Variants in AKAP6 observed in about 807,000 individuals in gnomAD.
The protein encoded by AKAP6 is A-kinase anchor protein 6.
In AKAP6, 58 loss-of-function variants were observed where a neutral mutation model predicts 188.5. The observed-to-expected ratio is 0.31, with a 90% CI of 0.25 to 0.38. The LOEUF (loss-of-function observed/expected upper bound fraction) is 0.38. Ranked by LOEUF, AKAP6 falls within the 10% of genes least tolerant of loss-of-function variation. The probability of loss-of-function intolerance (pLI) is 1.00; values close to 1 mark genes in which losing one functional copy is unlikely to be tolerated. For missense variants in AKAP6, 2,710 were observed against 2,740.0 expected, an observed-to-expected ratio of 0.99 and a Z score of 0.24; for synonymous variants, 989 against 998.6, an observed-to-expected ratio of 0.99 and a Z score of 0.18.
Position 32,736,861 on chromosome 14 carries a change from C to T in AKAP6, c.3372+979C>T, listed in dbSNP as rs564829273. On this transcript the variant is annotated intron_variant, in intron 11 of 13. Coordinates refer to ENST00000280979, the MANE Select transcript of AKAP6 (RefSeq NM_004274.5). The stretch of plus-strand genomic sequence containing the variant: ...AGAGTCATCTTGCTCACCTCTATAA[C>T]CCTAGTGGAGGCACCCTCAAAGACA... Among the ~76,000 whole-genome samples the T allele has an allele frequency of 1.5e-3, 235 of 152,244 alleles. 2 individuals are homozygous for T. Among genetic ancestry groups the T allele is most frequent in the Middle Eastern group, 0.01 (3 of 294 alleles).
At chr14:32,787,149 A>G (rs924119161) in intron 12 of AKAP6, among the ~76,000 whole-genome samples, 2 of 152,246 alleles carry the variant, frequency 1.3e-5, no homozygotes, top group African/African-American at 2.4e-5. Flanking sequence ...TTTTAATTAG[A>G]GTTCTAAGAA....
chr14:32,606,891 T>C lies in AKAP6; in HGVS notation c.2730+6099T>C, dbSNP rs556298477. Among the ~76,000 whole-genome samples the C allele has an allele frequency of 4.6e-5, 7 of 152,276 alleles. No homozygotes were observed. The East Asian group carries it at 7.7e-4, about 17-fold the overall frequency. ...GCCCTATGAATGAAAGTGTTAGATA[T>C]TGGCTGAGAATTTACATCTATGTGG... On this transcript the variant is annotated intron_variant, in intron 7 of 13. Transcript: ENST00000280979.
In AKAP6 at chr14:32,836,045, T is replaced by C. The variant is rs931775864; in HGVS notation, c.*6240T>C. 6.6e-6 allele frequency: 1 copy of C among 152,234 alleles called. No homozygotes were observed. Among genetic ancestry groups the C allele is most frequent in the Non-Finnish European group, 1.5e-5 (1 of 68,044 alleles). The allele number at this position is 152,234 out of a possible 1,614,324, so 9.4% of individuals were successfully genotyped here. ...TAATGGGTTCTCACCAAAGCAGAAA[T>C]TACGCAGAGCTTATTTGTCCTTGCA... is the stretch of plus-strand genomic sequence containing the variant. On this transcript the variant is annotated 3_prime_UTR_variant, in exon 14 of 14. Coordinates refer to ENST00000280979, the MANE Select transcript of AKAP6 (RefSeq NM_004274.5).
chr14:32,572,022 G>T (rs1884512139), intron 4 of AKAP6, among the ~76,000 whole-genome samples: 1 of 152,200 alleles, frequency 6.6e-6, no homozygotes. Flanking sequence ...GAATGAGAAG[G>T]GTAGGAGACT....
intron 8 of AKAP6, among the ~76,000 whole-genome samples, chr14:32,683,998 A>T (rs1427636431): frequency 3.9e-5 from 6 of 152,222 alleles, no homozygotes; most frequent in Non-Finnish European, 8.8e-5. Flanking sequence ...CGTATTTCAG[A>T]CTTGGGCACT....
chr14:32,678,749 C>T (rs575491681), intron 8 of AKAP6, among the ~76,000 whole-genome samples: 1 of 152,230 alleles, frequency 6.6e-6, no homozygotes, highest in South Asian at 2.1e-4. Flanking sequence ...ATTGATCTGT[C>T]TTCTTTATAA....
intron 12 of AKAP6, among the ~76,000 whole-genome samples, chr14:32,797,368 C>T (rs1434941055): frequency 3.9e-5 from 6 of 152,054 alleles, no homozygotes; most frequent in Admixed American, 3.9e-4. Context: ...CAACCTAAAC[C>T]CTATCAGTGA....
intron 11 of AKAP6, among the ~76,000 whole-genome samples, chr14:32,736,425 T>G (rs1342598063): frequency 6.6e-6 from 1 of 152,178 alleles, no homozygotes; most frequent in Non-Finnish European, 1.5e-5. Context: ...ACAATATTCA[T>G]TTTCACTGTA....
chr14:32,589,085 A>T (rs1885371809), intron 5 of AKAP6, among the ~76,000 whole-genome samples: 1 of 152,150 alleles, frequency 6.6e-6, no homozygotes, highest in Non-Finnish European at 1.5e-5. Context: ...TAGGCAGCCA[A>T]GGCCCCAGCA....
rs139284223 is a variant in AKAP6, at chr14:32,681,465, G to A, written c.2879+3006G>A. On this transcript the variant is annotated intron_variant, in intron 8 of 13. Transcript: ENST00000280979. ...TATAAAGTCACTCTTTGCCCTCTCTGTAAGGATTTATCTGGACTCTTAATA... is the reference window on the plus strand; with the variant it reads ...TATAAAGTCACTCTTTGCCCTCTCTATAAGGATTTATCTGGACTCTTAATA... 4.3e-3 allele frequency among the ~76,000 whole-genome samples: 656 copies of A among 152,176 alleles called. 8 individuals are homozygous for A. Among genetic ancestry groups the A allele is most frequent in the African/African-American group, 0.015 (608 of 41,510 alleles).
intron 12 of AKAP6, among the ~76,000 whole-genome samples, chr14:32,815,682 T>C (rs1293737679): frequency 6.6e-6 from 1 of 152,196 alleles, no homozygotes; most frequent in African/African-American, 2.4e-5. Context: ...TCTTAAACAC[T>C]GTTAACGGTT....
intron 7 of AKAP6, among the ~76,000 whole-genome samples, chr14:32,660,057 T>C (rs372243346): frequency 6.6e-6 from 1 of 152,246 alleles, no homozygotes; most frequent in African/African-American, 2.4e-5. Context: ...GACAAGAAGA[T>C]GTTAGCTGTT....
intron 7 of AKAP6, among the ~76,000 whole-genome samples, chr14:32,651,904 G>A (rs899846855): frequency 2.0e-5 from 3 of 151,906 alleles, no homozygotes; most frequent in African/African-American, 7.3e-5. Flanking sequence ...TACATCTTAG[G>A]CCCATTTTTT....
At chr14:32,401,146 TA>T (rs1300360162) in intron 1 of AKAP6, among the ~76,000 whole-genome samples, 10 of 152,186 alleles carry the variant, frequency 6.6e-5, no homozygotes, top group Admixed American at 5.2e-4. Flanking sequence ...ATCTAGGGTA[TA>T]GGGGCAGAGC....
At chr14:32,687,395 T>C (rs1298085279) in intron 8 of AKAP6, among the ~76,000 whole-genome samples, 1 of 137,888 alleles carries the variant, frequency 7.3e-6, no homozygotes, top group Non-Finnish European at 1.5e-5. Flanking sequence ...TCTGTCATAC[T>C]AACTATCTCT....
At chr14:32,707,697 GTTAA>G (rs1183947176) in intron 9 of AKAP6, among the ~76,000 whole-genome samples, 2 of 152,142 alleles carry the variant, frequency 1.3e-5, no homozygotes, top group Admixed American at 6.6e-5. Context: ...TTATTCAATA[GTTAA>G]TTAAACTCTA....
chr14:32,451,657 T>C (rs1175333093), intron 2 of AKAP6, among the ~76,000 whole-genome samples: 1 of 152,216 alleles, frequency 6.6e-6, no homozygotes, highest in African/African-American at 2.4e-5. Flanking sequence ...AAACATTTAA[T>C]ATTTTTTATT....
At chr14:32,613,759 G>C (rs1398839185) in intron 7 of AKAP6, among the ~76,000 whole-genome samples, 1 of 151,974 alleles carries the variant, frequency 6.6e-6, no homozygotes, top group East Asian at 1.9e-4. Flanking sequence ...CCACTTTTTT[G>C]ATCACACATT....
intron 12 of AKAP6, among the ~76,000 whole-genome samples, chr14:32,806,847 G>T (rs1205062086): frequency 6.6e-6 from 1 of 152,176 alleles, no homozygotes; most frequent in African/African-American, 2.4e-5. Flanking sequence ...TTGAGAGATT[G>T]GGGTAAGGGT....
Sources: allele counts gnomAD v4.1 joint callset (sites outside exome capture counted in the v4.1 genomes callset), GRCh38; gene constraint gnomAD v4.1.1; transcripts MANE v1.5; gene names NCBI Gene and HGNC (gene_info 2026-07-23, HGNC 2026-07-21).